The following PRTG variants were observed in gnomAD, a reference collection of about 807,000 sequenced individuals.
PRTG encodes the protein immunoglobulin superfamily, DCC subclass, member 5.
A neutral mutation model predicts 122.5 loss-of-function variants in PRTG; 67 were observed. That is an observed-to-expected ratio of 0.55 (90% CI 0.45 to 0.67). The LOEUF is 0.67. PRTG is among the 30% of genes least tolerant of loss of function. The pLI, the probability that PRTG is intolerant of heterozygous loss-of-function variation, is 0.00. For missense variants in PRTG, 1,435 were observed against 1,415.4 expected (o/e 1.01, Z -0.22); for synonymous variants, 554 against 501.1 (o/e 1.11, Z -1.41).
Position 55,624,377 on chromosome 15 carries a change from G to C in PRTG, c.3058C>G (p.Pro1020Ala). ...GAVGNEESLMPMIMPNSFIDA... is the reference protein window; with the variant it reads ...GAVGNEESLMAMIMPNSFIDA... ...ATGAAGCTGTTTGGCATGATCATTG[G>C]CATTAAAGATTCTTCATTTCCTACA... The change falls in exon 18 of 20, where the codon CCA (proline) becomes GCA (alanine). Residue 1020 changes from proline to alanine, a missense_variant. Physicochemically the swap from Pro to Ala is conservative, Grantham distance 27 (BLOSUM62 -1). Transcript: ENST00000389286. 5 of 1,614,006 alleles carry C rather than the reference G, an allele frequency of 3.1e-6. No individual in the cohort carries two copies. In the South Asian group the frequency reaches 4.4e-5, roughly 14 times the overall value.
intron 2 of PRTG, among the ~76,000 whole-genome samples, chr15:55,696,303 C>A (rs2059631842): frequency 6.6e-6 from 1 of 152,268 alleles, no homozygotes; most frequent in South Asian, 2.1e-4. Context: ...AACTCTCAAG[C>A]ATCCACAATT....
chr15:55,640,922 G>A (rs1285262176), intron 12 of PRTG, among the ~76,000 whole-genome samples, 191 bp downstream of exon 12: 3 of 151,824 alleles, frequency 2.0e-5, no homozygotes, highest in African/African-American at 7.3e-5. Context: ...AGAGGCTGAG[G>A]CAGGAGAATC....
chr15:55,727,356 G>A (rs986621204), intron 2 of PRTG, among the ~76,000 whole-genome samples: 5 of 151,938 alleles, frequency 3.3e-5, no homozygotes, highest in Non-Finnish European at 7.4e-5. Context: ...TAAAAAAGAT[G>A]ATAAGAAAAT....
intron 2 of PRTG, among the ~76,000 whole-genome samples, chr15:55,714,149 C>T (rs2030505144): frequency 6.6e-6 from 1 of 152,080 alleles, no homozygotes; most frequent in African/African-American, 2.4e-5. Flanking sequence ...AGCATGAACT[C>T]ACTGTAACAC....
In PRTG at chr15:55,613,757, AC is replaced by A. The variant is rs1034883008; in HGVS notation, c.*6254del. The A allele has an allele frequency of 3.3e-5, 4 of 122,342 alleles. No individual in the cohort carries two copies. The highest frequency in any genetic ancestry group is 1.1e-4 in the African/African-American group (4 of 34,952). The allele number at this position is 122,342 out of a possible 1,614,324, so 7.6% of individuals were successfully genotyped here. ...GCACTATGACCCTGGGTGATTAAAT[AC>A]CTTTTTTTTTTTTTTTTTTTTTTAA... On this transcript the variant is annotated 3_prime_UTR_variant, in exon 20 of 20. Transcript: ENST00000389286.
At chr15:55,664,632 T>C (rs1278825828) in intron 11 of PRTG, among the ~76,000 whole-genome samples, 1 of 152,098 alleles carries the variant, frequency 6.6e-6, no homozygotes, top group Admixed American at 6.5e-5. Flanking sequence ...TACTTCACCA[T>C]GGCTGGAGTG....
In PRTG at chr15:55,622,813, GGCGTGAACCACC is replaced by G. The variant is rs1366870821; in HGVS notation, c.3093+1517_3093+1528del. On this transcript the variant is annotated intron_variant, in intron 18 of 19. Coordinates refer to ENST00000389286, the MANE Select transcript of PRTG (RefSeq NM_173814.6). ...GGCCTCCCAAAGTGCTGGAATTACA[GGCGTGAACCACC>G]GCACTTGGCCTGTATCAGTACTTTT... Among the ~76,000 whole-genome samples, 9 of 152,184 alleles carry G rather than the reference GGCGTGAACCACC, an allele frequency of 5.9e-5. 1 individual carries two copies. The highest frequency in any genetic ancestry group is 1.9e-4 in the African/African-American group (8 of 41,524).
At chr15:55,640,947 G>A (rs908492871) in intron 12 of PRTG, among the ~76,000 whole-genome samples, 166 bp downstream of exon 12, 4 of 151,862 alleles carry the variant, frequency 2.6e-5, no homozygotes, top group African/African-American at 9.7e-5. Flanking sequence ...GAACCCGGGA[G>A]GCAACAAACA....
intron 2 of PRTG, among the ~76,000 whole-genome samples, chr15:55,687,689 G>C (rs1351386319): frequency 2.0e-5 from 3 of 152,192 alleles, no homozygotes; most frequent in African/African-American, 7.2e-5. Context: ...CTGGTTTTCA[G>C]AAAGGTTTGA....
Position 55,683,941 on chromosome 15 carries a change from A to G in PRTG, c.398-10T>C. The G allele has an allele frequency of 2.5e-6, 4 of 1,609,426 alleles. No homozygotes were observed. The highest frequency in any genetic ancestry group is 3.4e-6 in the Non-Finnish European group (4 of 1,176,570). On this transcript the variant is annotated splice_polypyrimidine_tract_variant and intron_variant, in intron 2 of 19. Coordinates refer to ENST00000389286, the MANE Select transcript of PRTG (RefSeq NM_173814.6). ...TCAAATGCAGAAATAGCTATAAGAT[A>G]AAGTTTGAGAAATTCAGAATAAGTG...
At chr15:55,709,384 T>TAG (rs1567109814) in intron 2 of PRTG, among the ~76,000 whole-genome samples, 1 of 147,296 alleles carries the variant, frequency 6.8e-6, no homozygotes, top group African/African-American at 2.5e-5. Context: ...ACAATATATA[T>TAG]ATATAGAGAG....
rs999861216 is a variant in PRTG, at chr15:55,612,874, A to G, written c.*7138T>C. ...TCCATTTCAGCTATATCTTTTACCA[A>G]CCACTTTCTTCTATTGGTTTTGTGT... On this transcript the variant is annotated 3_prime_UTR_variant, in exon 20 of 20. Transcript: ENST00000389286. 3.3e-5 allele frequency: 5 copies of G among 151,378 alleles called. No homozygotes were observed. The highest frequency in any genetic ancestry group is 1.9e-4 in the East Asian group (1 of 5,192). The allele number at this position is 151,378 out of a possible 1,614,324, so 9.4% of individuals were successfully genotyped here.
rs937484522 is a variant in PRTG, at chr15:55,619,448, A to G, written c.*564T>C. 2 of 154,096 alleles carry G rather than the reference A, an allele frequency of 1.3e-5. No individual in the cohort carries two copies. The allele number at this position is 154,096 out of a possible 1,614,324, so 9.5% of individuals were successfully genotyped here. A position where few individuals can be genotyped will look rare whatever the true frequency, so the allele number is the denominator to read the frequency against. On this transcript the variant is annotated 3_prime_UTR_variant, in exon 20 of 20. Coordinates refer to ENST00000389286, the MANE Select transcript of PRTG (RefSeq NM_173814.6). Reference sequence around the variant, plus strand: ...GATAAACATTCTTACTCATCTACCTATATGACTCCTTTGATCACACACATT... The same window carrying G: ...GATAAACATTCTTACTCATCTACCTGTATGACTCCTTTGATCACACACATT...
chr15:55,664,345 G>C (rs762496733), intron 11 of PRTG, among the ~76,000 whole-genome samples: 2 of 152,064 alleles, frequency 1.3e-5, no homozygotes, highest in African/African-American at 2.4e-5. Flanking sequence ...GTTTCACCAT[G>C]TTGGCCAAGC....
intron 2 of PRTG, among the ~76,000 whole-genome samples, chr15:55,733,990 C>CAG: frequency 6.6e-6 from 1 of 152,302 alleles, no homozygotes; most frequent in South Asian, 2.1e-4. Flanking sequence ...CTACTACTTT[C>CAG]GGAAACATCA....
At position 55,740,564 on chromosome 15, in the gene PRTG, C is replaced by T; in HGVS notation, c.215G>A (p.Trp72Ter). 2 of 1,614,136 alleles carry T rather than the reference C, an allele frequency of 1.2e-6. No individual in the cohort carries two copies. Among genetic ancestry groups the T allele is most frequent in the Non-Finnish European group, 1.7e-6 (2 of 1,180,010 alleles). ...AHGEVPIKVT[W>*]LKNGAKMSEN... ...AGACATTTTTGCTCCATTTTTCAACCATGTGACCTTAATAGGAACTTCTCC... is the reference window on the plus strand; with the variant it reads ...AGACATTTTTGCTCCATTTTTCAACTATGTGACCTTAATAGGAACTTCTCC... Residue 72 changes from tryptophan (W) to a stop codon, truncating the protein, a stop_gained, in exon 2 of 20, where the codon TGG (tryptophan) becomes TAG (stop). Transcript: ENST00000389286. LOFTEE classifies it high-confidence loss of function.
intron 14 of PRTG, among the ~76,000 whole-genome samples, chr15:55,638,334 T>C (rs2059269449): frequency 1.3e-5 from 2 of 152,186 alleles, no homozygotes; most frequent in Non-Finnish European, 2.9e-5. Context: ...AATTTAAGCC[T>C]ACGTGCTTGC....
At chr15:55,709,992 G>T (rs1460657920) in intron 2 of PRTG, among the ~76,000 whole-genome samples, 1 of 151,966 alleles carries the variant, frequency 6.6e-6, no homozygotes, top group East Asian at 1.9e-4. Flanking sequence ...AGTTTATTGT[G>T]CATCAATTAT....
intron 2 of PRTG, among the ~76,000 whole-genome samples, chr15:55,693,584 G>A (rs1402511965): frequency 6.6e-6 from 1 of 152,148 alleles, no homozygotes; most frequent in Non-Finnish European, 1.5e-5. Context: ...GCATAGCCTT[G>A]AAGGTAAGAG....
Sources: gnomAD v4.1 joint callset for allele counts (sites outside exome capture counted in the v4.1 genomes callset) on GRCh38, gnomAD v4.1.1 for gene constraint, MANE v1.5 for transcripts, NCBI Gene and HGNC (gene_info 2026-07-23, HGNC 2026-07-21) for gene names.